RCOR1: variants seen among roughly 807,000 people sequenced by gnomAD.
RCOR1 encodes REST corepressor 1.
Under a neutral mutation model 64.0 loss-of-function variants are expected in RCOR1, and 12 were observed. The observed-to-expected ratio is 0.19, with a 90% CI of 0.12 to 0.30. The LOEUF is 0.30. Ranked by LOEUF, RCOR1 falls within the 10% of genes least tolerant of loss-of-function variation. The pLI, the probability that RCOR1 is intolerant of heterozygous loss-of-function variation, is 1.00. For missense variants in RCOR1, 502 were observed against 621.2 expected (o/e 0.81, Z 2.04); for synonymous variants, 279 against 227.2 (o/e 1.23, Z -2.05).
At position 102,655,971 on chromosome 14, in the gene RCOR1, A is replaced by ACT. The variant is rs1894715270; in HGVS notation, c.362-25923_362-25922insTC. ...TTTTGTCACACACACACACACACACACACACACACACACACACGTGAAATA... is the reference window on the plus strand; with the variant it reads ...TTTTGTCACACACACACACACACACACTCACACACACACACACACGTGAAATA... On this transcript the variant is annotated intron_variant, in intron 2 of 11. Coordinates refer to ENST00000262241, the MANE Select transcript of RCOR1 (RefSeq NM_015156.4). 3 of 983,158 alleles carry ACT rather than the reference A, an allele frequency of 3.1e-6. No individual in the cohort carries two copies. In the African/African-American group the frequency reaches 5.3e-5, roughly 17 times the overall value. The allele number at this position is 983,158 out of a possible 1,614,324, so 60.9% of individuals were successfully genotyped here.
At chr14:102,710,656 T>C (rs1595241512) in intron 6 of RCOR1, 3 of 357,706 alleles carry the variant, frequency 8.4e-6, no homozygotes, top group East Asian at 1.3e-4. Flanking sequence ...AGTTTACAGA[T>C]ATAGAGCAAT....
chr14:102,642,858 T>C (rs894348842), intron 2 of RCOR1, among the ~76,000 whole-genome samples: 5 of 151,820 alleles, frequency 3.3e-5, no homozygotes, highest in Admixed American at 3.3e-4. Flanking sequence ...TAGTCTGTGT[T>C]AGCATAGTAT....
chr14:102,711,516 T>C (rs1278415534), intron 7 of RCOR1, among the ~76,000 whole-genome samples: 1 of 152,136 alleles, frequency 6.6e-6, no homozygotes, highest in Non-Finnish European at 1.5e-5. Context: ...GGTGACTGTT[T>C]CATCTTATCA....
intron 2 of RCOR1, among the ~76,000 whole-genome samples, chr14:102,640,822 T>G (rs1372852274): frequency 1.3e-5 from 2 of 152,122 alleles, no homozygotes; most frequent in Non-Finnish European, 2.9e-5. Context: ...TAGCTGGCTG[T>G]CGTAGTGTGC....
At chr14:102,613,576 G>T (rs1321565546) in intron 2 of RCOR1, among the ~76,000 whole-genome samples, 2 of 151,698 alleles carry the variant, frequency 1.3e-5, no homozygotes, top group Non-Finnish European at 2.9e-5. Context: ...GGGACTACAG[G>T]CGCCCGCCAC....
intron 2 of RCOR1, among the ~76,000 whole-genome samples, chr14:102,644,103 G>T (rs1894429542): frequency 6.6e-6 from 1 of 152,220 alleles, no homozygotes; most frequent in Admixed American, 6.5e-5. Context: ...ATGGTGGCTG[G>T]AGCTGAACAG....
intron 2 of RCOR1, among the ~76,000 whole-genome samples, chr14:102,625,874 A>G (rs1893970545): frequency 6.6e-6 from 1 of 152,100 alleles, no homozygotes; most frequent in Non-Finnish European, 1.5e-5. Flanking sequence ...GCTGTGAATG[A>G]CTGCATAGGT....
At position 102,613,885 on chromosome 14, in the gene RCOR1, CTTTTTTTTT is replaced by C. The variant is rs71119719; in HGVS notation, c.361+20576_361+20584del. Among the ~76,000 whole-genome samples the C allele has an allele frequency of 9.0e-5, 5 of 55,512 alleles. No individual in the cohort carries two copies. The South Asian group carries it at 2.2e-3, about 24-fold the overall frequency. The allele number at this position is 55,512 out of a possible 152,430, so 36.4% of individuals were successfully genotyped here. On this transcript the variant is annotated intron_variant, in intron 2 of 11. Coordinates refer to ENST00000262241, the MANE Select transcript of RCOR1 (RefSeq NM_015156.4). ...TAGGTTGTTTTTTGAATTAACTATTCTTTTTTTTTTTTTTTTTTTTTTTTGAGACAGAGT... is the reference window on the plus strand; with the variant it reads ...TAGGTTGTTTTTTGAATTAACTATTCTTTTTTTTTTTTTTTGAGACAGAGT...
chr14:102,686,511 T>A (rs941498041), intron 3 of RCOR1, among the ~76,000 whole-genome samples: 1 of 152,218 alleles, frequency 6.6e-6, no homozygotes, highest in African/African-American at 2.4e-5. Flanking sequence ...TTCTGTGGAT[T>A]CCGACAAATG....
In RCOR1 at chr14:102,729,526, C is replaced by T. The variant is rs145438434; in HGVS notation, c.*3020C>T. On this transcript the variant is annotated 3_prime_UTR_variant, in exon 12 of 12. Coordinates refer to ENST00000262241, the MANE Select transcript of RCOR1 (RefSeq NM_015156.4). ...AAAATGGTTTTTGATTGTTTTTAAC[C>T]TATAAGACGTTCTGATGCTCACAAA... 1.0e-3 allele frequency: 213 copies of T among 213,104 alleles called. No individual in the cohort carries two copies. The highest frequency in any genetic ancestry group is 4.5e-3 in the African/African-American group (200 of 44,014). 13.2% of individuals were successfully genotyped at this position (213,104 alleles called of 1,614,324 possible). A position where few individuals can be genotyped will look rare whatever the true frequency, so the allele number is the denominator to read the frequency against.
At chr14:102,599,402 G>T (rs961378251) in intron 2 of RCOR1, among the ~76,000 whole-genome samples, 20 of 152,034 alleles carry the variant, frequency 1.3e-4, no homozygotes, top group African/African-American at 4.6e-4. Context: ...AAAGTGCTGG[G>T]CTTACAGGTG....
intron 9 of RCOR1, 42 bp from the exon 10 acceptor site, chr14:102,721,278 C>A: frequency 6.5e-7 from 1 of 1,544,772 alleles, no homozygotes; most frequent in Non-Finnish European, 8.9e-7. Flanking sequence ...ACATACTCAT[C>A]TCTAAATGTA....
At chr14:102,676,952 G>A (rs1411226312) in intron 2 of RCOR1, among the ~76,000 whole-genome samples, 41 of 105,796 alleles carry the variant, frequency 3.9e-4, no homozygotes, top group Non-Finnish European at 5.8e-4. Flanking sequence ...CCGGGCAGAG[G>A]GGCTCCTCAC....
At chr14:102,614,491 T>C (rs997048930) in intron 2 of RCOR1, among the ~76,000 whole-genome samples, 1 of 152,126 alleles carries the variant, frequency 6.6e-6, no homozygotes, top group African/African-American at 2.4e-5. Context: ...CCCAAAGTGC[T>C]GGGATTACAA....
chr14:102,609,539 A>C (rs763223606), intron 2 of RCOR1, among the ~76,000 whole-genome samples: 4 of 152,040 alleles, frequency 2.6e-5, no homozygotes, highest in Non-Finnish European at 5.9e-5. Context: ...TTCCAGGTTC[A>C]AGTGATTCTC....
chr14:102,682,110 A>G (rs1895317413), intron 3 of RCOR1, 132 bp downstream of exon 3: 3 of 570,482 alleles, frequency 5.3e-6, no homozygotes, highest in South Asian at 6.1e-5. Context: ...AAAGAGTTTT[A>G]AAGTGTATAT....
chr14:102,683,596 G>A (rs1895348344), intron 3 of RCOR1, among the ~76,000 whole-genome samples: 1 of 152,228 alleles, frequency 6.6e-6, no homozygotes. Flanking sequence ...GGGGTCCCAA[G>A]CAATGTGGGC....
At chr14:102,724,212 C>T (rs559956270) in intron 11 of RCOR1, among the ~76,000 whole-genome samples, 106 of 152,236 alleles carry the variant, frequency 7.0e-4, no homozygotes, top group African/African-American at 2.4e-3. Flanking sequence ...GCCTTCTCTG[C>T]AAAACAAAAT....
At chr14:102,594,409 C>G (rs1029026329) in intron 2 of RCOR1, among the ~76,000 whole-genome samples, 1 of 152,106 alleles carries the variant, frequency 6.6e-6, no homozygotes, top group East Asian at 1.9e-4. Context: ...CAGAAAATTG[C>G]AATGATCTAG....
Sources: gnomAD v4.1 joint callset for allele counts (sites outside exome capture counted in the v4.1 genomes callset) on GRCh38, gnomAD v4.1.1 for gene constraint, MANE v1.5 for transcripts, NCBI Gene and HGNC (gene_info 2026-07-23, HGNC 2026-07-21) for gene names.